DLG2: variants seen among roughly 807,000 people sequenced by gnomAD.
The protein encoded by DLG2 is disks large homolog 2.
A neutral mutation model predicts 132.5 loss-of-function variants in DLG2; 45 were observed. That is an observed-to-expected ratio of 0.34 (90% CI 0.27 to 0.44). The LOEUF (loss-of-function observed/expected upper bound fraction) is 0.44, where lower values mean the gene tolerates loss of function less well. Among genes scored for constraint, DLG2 ranks in the 20% least tolerant of loss-of-function variants. DLG2 has a pLI of 1.00. For synonymous variants in DLG2, 424 were observed against 419.6 expected (o/e 1.01, Z -0.13); for missense variants, 1,045 against 1,196.9 (o/e 0.87, Z 1.87).
chr11:84,903,138 A>G (rs2091101131), intron 6 of DLG2, among the ~76,000 whole-genome samples: 1 of 152,144 alleles, frequency 6.6e-6, no homozygotes, highest in Non-Finnish European at 1.5e-5. Context: ...CTCTATTTCA[A>G]GACATAAGAA....
At chr11:85,086,403 CAT>C (rs1341847366) in intron 6 of DLG2, among the ~76,000 whole-genome samples, 4 of 152,106 alleles carry the variant, frequency 2.6e-5, no homozygotes, top group Non-Finnish European at 4.4e-5. Flanking sequence ...AGTGAAAAAA[CAT>C]AGTTATCTTC....
intron 3 of DLG2, among the ~76,000 whole-genome samples, chr11:85,419,005 T>G (rs2090086661): frequency 1.3e-5 from 2 of 152,186 alleles, no homozygotes; most frequent in Admixed American, 6.5e-5. Flanking sequence ...TTGATGCAGT[T>G]TTTCATAGTG....
intron 18 of DLG2, among the ~76,000 whole-genome samples, chr11:83,769,531 G>A (rs1387005440): frequency 1.3e-5 from 2 of 151,720 alleles, no homozygotes; most frequent in African/African-American, 4.8e-5. Flanking sequence ...GGTTAGGGAA[G>A]GCTTCCTAGA....
chr11:85,288,204 A>C (rs1023663009), intron 3 of DLG2, among the ~76,000 whole-genome samples: 1 of 152,018 alleles, frequency 6.6e-6, no homozygotes, highest in Admixed American at 6.6e-5. Flanking sequence ...AATAAAGAAA[A>C]ATTTTGTGTT....
At chr11:84,624,455 A>G (rs984384571) in intron 6 of DLG2, among the ~76,000 whole-genome samples, 5 of 152,104 alleles carry the variant, frequency 3.3e-5, no homozygotes, top group African/African-American at 7.2e-5. Context: ...ATGATTATTT[A>G]TATTATTTTT....
At chr11:83,543,108 T>A (rs1033668716) in intron 19 of DLG2, among the ~76,000 whole-genome samples, 1 of 152,064 alleles carries the variant, frequency 6.6e-6, no homozygotes, top group Admixed American at 6.6e-5. Flanking sequence ...GCAGGAAAAG[T>A]ATAATTAATT....
intron 4 of DLG2, among the ~76,000 whole-genome samples, chr11:85,201,230 C>T (rs919783313): frequency 4.6e-5 from 7 of 152,182 alleles, no homozygotes; most frequent in Admixed American, 6.5e-5. Flanking sequence ...AGGGTAGCTA[C>T]GCTATCTGTG....
chr11:84,636,236 G>A (rs993434000), intron 6 of DLG2, among the ~76,000 whole-genome samples: 2 of 152,196 alleles, frequency 1.3e-5, no homozygotes, highest in African/African-American at 2.4e-5. Context: ...TATATCTTCT[G>A]AGCCTTCAGA....
chr11:83,538,451 T>G (rs181610913), intron 20 of DLG2, among the ~76,000 whole-genome samples: 1 of 152,334 alleles, frequency 6.6e-6, no homozygotes, highest in African/African-American at 2.4e-5. Context: ...CACTGTAATT[T>G]TGGCAAGCTA....
chr11:83,660,533 T>A (rs1282612345), intron 18 of DLG2, among the ~76,000 whole-genome samples: 1 of 152,200 alleles, frequency 6.6e-6, no homozygotes, highest in Non-Finnish European at 1.5e-5. Context: ...GGGTGGTATG[T>A]GCATATATTT....
chr11:84,786,743 G>A (rs2072961638), intron 6 of DLG2, among the ~76,000 whole-genome samples: 1 of 152,124 alleles, frequency 6.6e-6, no homozygotes, highest in African/African-American at 2.4e-5. Flanking sequence ...GCAGCAATAG[G>A]GCAGACAGTT....
At chr11:84,575,364 C>T (rs2099496914) in intron 6 of DLG2, among the ~76,000 whole-genome samples, 1 of 152,078 alleles carries the variant, frequency 6.6e-6, no homozygotes, top group Admixed American at 6.6e-5. Flanking sequence ...TTCTCCACCC[C>T]TCCCTCAACT....
At chr11:83,502,988 T>C (rs2094510763) in intron 21 of DLG2, among the ~76,000 whole-genome samples, 1 of 152,068 alleles carries the variant, frequency 6.6e-6, no homozygotes, top group Admixed American at 6.6e-5. Flanking sequence ...ATGTACCTAA[T>C]ATATTTTGAG....
At chr11:83,706,899 A>C (rs554418933) in intron 18 of DLG2, among the ~76,000 whole-genome samples, 1 of 152,230 alleles carries the variant, frequency 6.6e-6, no homozygotes, top group Non-Finnish European at 1.5e-5. Flanking sequence ...ACTGAGTGCA[A>C]GAGGTGACAA....
At chr11:85,407,788 T>G (rs954233928) in intron 3 of DLG2, among the ~76,000 whole-genome samples, 4 of 151,820 alleles carry the variant, frequency 2.6e-5, no homozygotes, top group African/African-American at 9.7e-5. Context: ...TACTCCAAGT[T>G]GAGTCAGCCA....
At chr11:85,417,206 T>A (rs2089941546) in intron 3 of DLG2, among the ~76,000 whole-genome samples, 1 of 152,208 alleles carries the variant, frequency 6.6e-6, no homozygotes, top group Non-Finnish European at 1.5e-5. Context: ...GATAATCATG[T>A]GGTTTTTGTC....
intron 3 of DLG2, among the ~76,000 whole-genome samples, chr11:85,286,814 G>A (rs568571640): frequency 1.3e-5 from 2 of 152,192 alleles, no homozygotes; most frequent in East Asian, 3.9e-4. Context: ...GCTCCTTGGA[G>A]AAATGGTTGA....
At chr11:83,467,792 TATATATATATATATATATAC>T (rs1432463893) in intron 25 of DLG2, among the ~76,000 whole-genome samples, 2 of 105,812 alleles carry the variant, frequency 1.9e-5, no homozygotes, top group African/African-American at 7.9e-5. Flanking sequence ...TATATATATA[TATATATATATATATATATAC>T]ACACACACAT....
intron 6 of DLG2, among the ~76,000 whole-genome samples, chr11:84,561,056 A>C (rs893421524): frequency 6.6e-6 from 1 of 152,052 alleles, no homozygotes; most frequent in Non-Finnish European, 1.5e-5. Flanking sequence ...ACTACTGACT[A>C]CTTAATTATA....
Sources: gnomAD v4.1 joint callset for allele counts (sites outside exome capture counted in the v4.1 genomes callset) on GRCh38, gnomAD v4.1.1 for gene constraint, MANE v1.5 for transcripts, NCBI Gene and HGNC (gene_info 2026-07-23, HGNC 2026-07-21) for gene names.